Variants in DNM1 observed in about 807,000 individuals in gnomAD.
DNM1 encodes dynamin-1.
Under a neutral mutation model 104.6 loss-of-function variants are expected in DNM1, and 29 were observed. The ratio of observed to expected loss-of-function variants is 0.28; its 90% confidence interval spans 0.21 to 0.38. The LOEUF is 0.38. DNM1 is among the 10% of genes least tolerant of loss of function. DNM1 has a pLI of 1.00. For synonymous variants in DNM1, 445 were observed against 475.8 expected (o/e 0.94, Z 0.84); for missense variants, 640 against 1,189.4 (o/e 0.54, Z 6.79).
At position 128,218,595 on chromosome 9, in the gene DNM1, C is replaced by A; in HGVS notation, c.249C>A (p.Phe83Leu). 1 of 1,612,174 alleles carries A rather than the reference C, an allele frequency of 6.2e-7. No individual in the cohort carries two copies. Among genetic ancestry groups the A allele is most frequent in the Non-Finnish European group, 8.5e-7 (1 of 1,178,562 alleles). The change falls in exon 3 of 22, where the codon TTC becomes TTA. Residue 83 changes from phenylalanine to leucine, a missense_variant. Phe to Leu is a conservative substitution (Grantham distance 22). This residue lies in a region of DNM1 where 172 missense variants were observed against 335.3 expected (regional missense o/e 0.51). Coordinates refer to ENST00000372923, the MANE Select transcript of DNM1 (RefSeq NM_004408.4). This position sits in a 1 kb window ranked among gnomAD's most constrained non-coding sequence, Gnocchi z 4.8. ...LVNATTEYAEFLHCKGKKFTD... is the reference protein window; with the variant it reads ...LVNATTEYAELLHCKGKKFTD... ...CTTCTGGAGCAGAATATGCCGAGTTCCTGCACTGCAAGGGAAAGAAATTCA... is the reference window on the plus strand; with the variant it reads ...CTTCTGGAGCAGAATATGCCGAGTTACTGCACTGCAAGGGAAAGAAATTCA...
intron 1 of DNM1, chr9:128,204,344 A>T (rs1415411671): frequency 6.6e-6 from 1 of 152,422 alleles, no homozygotes; most frequent in Non-Finnish European, 1.5e-5. Context: ...GGCGCCTGTC[A>T]GTGTCGCCCT....
intron 10 of DNM1, 133 bp from the exon 11 acceptor site, chr9:128,233,888 C>G (rs1835845083): frequency 1.3e-6 from 1 of 786,760 alleles, no homozygotes; most frequent in Non-Finnish European, 2.1e-6. Flanking sequence ...CCCTAGGTCT[C>G]TCTTCCCCGC....
rs1307336328 is a variant in DNM1, at chr9:128,219,179, G to A, written c.516G>A (p.Leu172=). ...QFVTKENCLI[L]AVSPANSDLA... ...TCACCAAGGAGAACTGCCTCATCCT[G>A]GCCGTGTCCCCCGCCAACTCTGACC... The change falls in exon 4 of 22, where the codon CTG becomes CTA. Residue 172 remains leucine (L), a synonymous_variant. Coordinates refer to ENST00000372923, the MANE Select transcript of DNM1 (RefSeq NM_004408.4). 6.2e-7 allele frequency: 1 copy of A among 1,614,042 alleles called. No individual in the cohort carries two copies. Among genetic ancestry groups the A allele is most frequent in the Admixed American group, 1.7e-5 (1 of 60,008 alleles).
intron 21 of DNM1, chr9:128,251,354 C>T (rs1292541821): frequency 5.7e-6 from 2 of 351,932 alleles, no homozygotes; most frequent in African/African-American, 2.2e-5. Context: ...GACTCTGAAC[C>T]CCGATCTGCT....
intron 1 of DNM1, among the ~76,000 whole-genome samples, chr9:128,211,345 C>T (rs1834282095): frequency 6.6e-6 from 1 of 152,216 alleles, no homozygotes; most frequent in Non-Finnish European, 1.5e-5. Flanking sequence ...CCCAGTCCTG[C>T]TTCCTTTCAG....
Position 128,250,728 on chromosome 9 carries a change from G to C in DNM1, c.2322G>C (p.Ser774=). 1 of 1,460,554 alleles carries C rather than the reference G, an allele frequency of 6.8e-7. No individual in the cohort carries two copies. The highest frequency in any genetic ancestry group is 9.0e-7 in the Non-Finnish European group (1 of 1,112,646). 90.5% of individuals were successfully genotyped at this position (1,460,554 alleles called of 1,614,324 possible). Reference sequence around the variant, plus strand: ...CCTCGCTCCCTGTCGCCCTCAGGTCGCCCACGTCCAGCCCCACGCCGCAGC... The same window carrying C: ...CCTCGCTCCCTGTCGCCCTCAGGTCCCCCACGTCCAGCCCCACGCCGCAGC... ...QVQSVPAGRR[S]PTSSPTPQRR... Residue 774 remains serine (S), a synonymous_variant, in exon 21 of 22, where the codon TCG becomes TCC. Transcript: ENST00000372923.
Position 128,254,249 on chromosome 9 carries a change from G to T in DNM1, c.2535-405G>T. The T allele has an allele frequency of 7.3e-7, 1 of 1,376,360 alleles. No individual in the cohort carries two copies. Among genetic ancestry groups the T allele is most frequent in the South Asian group, 1.8e-5 (1 of 54,122 alleles). 85.3% of individuals were successfully genotyped at this position (1,376,360 alleles called of 1,614,324 possible). On this transcript the variant is annotated intron_variant, in intron 21 of 21. Transcript: ENST00000372923. The surrounding 1 kb of genome is among the most constrained non-coding windows in gnomAD (Gnocchi z 6.1). Reference sequence around the variant, plus strand: ...GTGTTCTTTCTCTATCAGGCCTGGTGGCTGTTGCATGGGGCTCCCCAAGGC... The same window carrying T: ...GTGTTCTTTCTCTATCAGGCCTGGTTGCTGTTGCATGGGGCTCCCCAAGGC...
Position 128,247,876 on chromosome 9 carries a change from C to T in DNM1, c.1894-48C>T. 1 of 1,608,278 alleles carries T rather than the reference C, an allele frequency of 6.2e-7. No individual in the cohort carries two copies. Among genetic ancestry groups the T allele is most frequent in the African/African-American group, 1.3e-5 (1 of 74,862 alleles). On this transcript the variant is annotated intron_variant, in intron 17 of 21. Transcript: ENST00000372923. The surrounding 1 kb of genome is among the most constrained non-coding windows in gnomAD (Gnocchi z 5.1). ...CCTCTCTGTGTTTCCTTCGGCTGTG[C>T]TCCCTGGTGGTGGCGGCGGTGGCAA...
intron 21 of DNM1, chr9:128,251,186 G>GC: frequency 1.5e-6 from 1 of 673,120 alleles, no homozygotes; most frequent in Non-Finnish European, 2.7e-6. Flanking sequence ...CGTCCCACCT[G>GC]CCCCCTTCTT....
chr9:128,218,983 T>C lies in DNM1; in HGVS notation c.386-66T>C. ...CCAAGCAGCTTCTCTAACCCCGCCCTATTCTTTAACCTCGCCCGCGGCCAC... is the reference window on the plus strand; with the variant it reads ...CCAAGCAGCTTCTCTAACCCCGCCCCATTCTTTAACCTCGCCCGCGGCCAC... On this transcript the variant is annotated intron_variant, in intron 3 of 21. Coordinates refer to ENST00000372923, the MANE Select transcript of DNM1 (RefSeq NM_004408.4). This position sits in a 1 kb window ranked among gnomAD's most constrained non-coding sequence, Gnocchi z 4.8. 1 of 1,574,516 alleles carries C rather than the reference T, an allele frequency of 6.4e-7. No individual in the cohort carries two copies. The highest frequency in any genetic ancestry group is 1.7e-5 in the Admixed American group (1 of 59,322).
intron 11 of DNM1, among the ~76,000 whole-genome samples, chr9:128,234,341 G>A (rs537270720): frequency 2.6e-5 from 4 of 152,212 alleles, no homozygotes; most frequent in African/African-American, 4.8e-5. Flanking sequence ...GTACATTTGC[G>A]CTGTTGCACA....
intron 4 of DNM1, 28 bp downstream of exon 4, chr9:128,219,280 C>A: frequency 6.3e-7 from 1 of 1,593,434 alleles, no homozygotes; most frequent in Non-Finnish European, 8.6e-7. Context: ...GGCCAATGCA[C>A]AAAACCCCAG....
At chr9:128,207,942 G>A (rs1238099490) in intron 1 of DNM1, among the ~76,000 whole-genome samples, 2 of 152,104 alleles carry the variant, frequency 1.3e-5, no homozygotes, top group African/African-American at 4.8e-5. Flanking sequence ...GCCCAGAGCC[G>A]AAGGAGCAGC....
In DNM1 at chr9:128,224,273, A is replaced by G. The variant is rs553162657; in HGVS notation, c.1219A>G (p.Met407Val). 1.2e-6 allele frequency: 2 copies of G among 1,613,842 alleles called. No homozygotes were observed. The highest frequency in any genetic ancestry group is 1.7e-6 in the Non-Finnish European group (2 of 1,179,886). Residue 407 changes from methionine to valine, a missense_variant, in exon 10 of 22, where the codon ATG (methionine) becomes GTG (valine). Coordinates refer to ENST00000372923, the MANE Select transcript of DNM1 (RefSeq NM_004408.4). This position sits in a 1 kb window ranked among gnomAD's most constrained non-coding sequence, Gnocchi z 4.3. ...GIRTGLFTPD[M>V]AFETIVKKQV... Reference sequence around the variant, plus strand: ...CAGAACGGGGCTGTTTACCCCAGACATGGCCTTTGAGACCATTGTGAAAAA... The same window carrying G: ...CAGAACGGGGCTGTTTACCCCAGACGTGGCCTTTGAGACCATTGTGAAAAA...
intron 10 of DNM1, chr9:128,233,652 G>A: frequency 1.5e-5 from 4 of 262,124 alleles, no homozygotes; most frequent in South Asian, 1.4e-4. Flanking sequence ...TGAGTATGAG[G>A]GAACACCTTG....
chr9:128,239,967 A>C lies in DNM1; in HGVS notation c.1546-18A>C. 1 of 1,613,850 alleles carries C rather than the reference A, an allele frequency of 6.2e-7. No homozygotes were observed. The highest frequency in any genetic ancestry group is 2.2e-5 in the East Asian group (1 of 44,854). ...CTCCCCGATGCCTCTCGTGGTTGCT[A>C]TGGTTACCTCTTTGCAGGATGAGAT... On this transcript the variant is annotated intron_variant, in intron 13 of 21. Coordinates refer to ENST00000372923, the MANE Select transcript of DNM1 (RefSeq NM_004408.4).
rs1835060436 is a variant in DNM1, at chr9:128,222,110, C to T, written c.850-87C>T. ...CTGCCCTCCATAGCTCTCCACCTCA[C>T]CACGTTCACACAGTCCCCTGGCATC... On this transcript the variant is annotated intron_variant, in intron 6 of 21. Coordinates refer to ENST00000372923, the MANE Select transcript of DNM1 (RefSeq NM_004408.4). The surrounding 1 kb of genome is among the most constrained non-coding windows in gnomAD (Gnocchi z 7.8). 5.3e-6 allele frequency: 8 copies of T among 1,500,434 alleles called. No homozygotes were observed. In the East Asian group the frequency reaches 1.8e-4, roughly 34 times the overall value. The allele number at this position is 1,500,434 out of a possible 1,614,324, so 92.9% of individuals were successfully genotyped here.
In DNM1 at chr9:128,255,142, C is replaced by T. The variant is rs1829768758; in HGVS notation, c.*428C>T. On this transcript the variant is annotated 3_prime_UTR_variant, in exon 22 of 22. Coordinates refer to ENST00000372923, the MANE Select transcript of DNM1 (RefSeq NM_004408.4). The stretch of plus-strand genomic sequence containing the variant: ...CCCCCGCCATCCCTCCCACCCCCTA[C>T]CAAGCATGGGGGTGCTGTGCAGGCA... The T allele has an allele frequency of 2.9e-5, 5 of 174,358 alleles. No homozygotes were observed. In the South Asian group the frequency reaches 5.9e-4, roughly 21 times the overall value. The allele number at this position is 174,358 out of a possible 1,614,324, so 10.8% of individuals were successfully genotyped here.
At chr9:128,233,825 C>T in intron 10 of DNM1, 196 bp from the exon 11 acceptor site, 1 of 592,174 alleles carries the variant, frequency 1.7e-6, no homozygotes, top group Non-Finnish European at 3.0e-6. Context: ...CATTTGGAAC[C>T]CACACTTGGG....
Sources: allele counts gnomAD v4.1 joint callset (sites outside exome capture counted in the v4.1 genomes callset), GRCh38; gene constraint gnomAD v4.1.1; regional missense constraint gnomAD v4.1.1; non-coding constraint Gnocchi (gnomAD v3.1); transcripts MANE v1.5; gene names NCBI Gene and HGNC (gene_info 2026-07-23, HGNC 2026-07-21).